The following PAK5 variants were observed in gnomAD, a reference collection of about 807,000 sequenced individuals.
PAK5 encodes serine/threonine-protein kinase PAK 5.
A neutral mutation model predicts 65.9 loss-of-function variants in PAK5; 16 were observed. The ratio of observed to expected loss-of-function variants is 0.24; its 90% CI spans 0.16 to 0.37. PAK5 has a LOEUF of 0.37. Ranked by LOEUF, PAK5 falls within the 10% of genes least tolerant of loss-of-function variation. The pLI is 1.00. For synonymous variants in PAK5, 371 were observed against 354.9 expected (o/e 1.05, Z -0.51); for missense variants, 785 against 903.9 (o/e 0.87, Z 1.69).
chr20:9,572,792 A>G (rs972035498), intron 4 of PAK5, among the ~76,000 whole-genome samples: 1 of 152,228 alleles, frequency 6.6e-6, no homozygotes, highest in Non-Finnish European at 1.5e-5. Context: ...AGAAAAAACA[A>G]CAAAGGCATT....
At chr20:9,708,654 T>C (rs2423428) in intron 2 of PAK5, among the ~76,000 whole-genome samples, 45,606 of 151,884 alleles carry the variant, frequency 0.3, 7,095 homozygotes, top group East Asian at 0.38. Flanking sequence ...AGCAAACATC[T>C]GGGACTCTGC....
At chr20:9,584,667 T>C (rs1053829353) in intron 3 of PAK5, among the ~76,000 whole-genome samples, 1 of 152,240 alleles carries the variant, frequency 6.6e-6, no homozygotes, top group South Asian at 2.1e-4. Context: ...TAGACATCTG[T>C]TCTGCTTCCT....
chr20:9,557,846 A>G, intron 6 of PAK5, 112 bp from the exon 7 acceptor site: 2 of 706,710 alleles, frequency 2.8e-6, no homozygotes, highest in South Asian at 2.7e-5. Context: ...GCTCCAGCCC[A>G]TATCTGAAAA....
At chr20:9,678,510 T>C (rs1235015951) in intron 2 of PAK5, among the ~76,000 whole-genome samples, 1 of 152,136 alleles carries the variant, frequency 6.6e-6, no homozygotes, top group Non-Finnish European at 1.5e-5. Context: ...GAGCTTGCAG[T>C]GAGCTGAGAT....
At chr20:9,790,646 C>T (rs1210553971) in intron 1 of PAK5, among the ~76,000 whole-genome samples, 1 of 152,062 alleles carries the variant, frequency 6.6e-6, no homozygotes, top group African/African-American at 2.4e-5. Flanking sequence ...GCTGGGACTA[C>T]AGGTGTACAA....
chr20:9,754,993 T>C (rs1017009856), intron 1 of PAK5, among the ~76,000 whole-genome samples: 4 of 152,234 alleles, frequency 2.6e-5, no homozygotes, highest in African/African-American at 9.6e-5. Context: ...ATAAAACATA[T>C]GATTTTAAGG....
chr20:9,720,195 G>A (rs573504161), intron 1 of PAK5, among the ~76,000 whole-genome samples: 128 of 152,202 alleles, frequency 8.4e-4, no homozygotes, highest in African/African-American at 2.9e-3. Flanking sequence ...TTCTTAACTG[G>A]GGGTCGTAAC....
chr20:9,789,956 C>T (rs760306471), intron 1 of PAK5, among the ~76,000 whole-genome samples: 9 of 152,078 alleles, frequency 5.9e-5, no homozygotes, highest in Non-Finnish European at 1.2e-4. Flanking sequence ...AAAGGAGGGG[C>T]CTTTTTACGC....
intron 1 of PAK5, among the ~76,000 whole-genome samples, chr20:9,723,228 G>C (rs2123526766): frequency 6.6e-6 from 1 of 152,278 alleles, no homozygotes; most frequent in Middle Eastern, 3.4e-3. Context: ...GGTGAAGAAT[G>C]GCAGCGGGTT....
chr20:9,569,106 A>C (rs2045732007), intron 4 of PAK5, among the ~76,000 whole-genome samples: 1 of 152,218 alleles, frequency 6.6e-6, no homozygotes, highest in African/African-American at 2.4e-5. Context: ...GAAATAGTAA[A>C]TGTTTGTTAT....
At chr20:9,619,562 G>A (rs987827825) in intron 3 of PAK5, among the ~76,000 whole-genome samples, 2 of 152,122 alleles carry the variant, frequency 1.3e-5, no homozygotes, top group African/African-American at 2.4e-5. Context: ...TAAGGGTGCC[G>A]TTGGATAAAT....
chr20:9,828,139 T>G (rs1363263936), intron 1 of PAK5, among the ~76,000 whole-genome samples: 4 of 152,150 alleles, frequency 2.6e-5, no homozygotes, highest in Non-Finnish European at 4.4e-5. Flanking sequence ...CCAGCCAAGT[T>G]GCAATTTAGA....
chr20:9,713,361 T>TA (rs748888379), intron 1 of PAK5, among the ~76,000 whole-genome samples: 226 of 151,346 alleles, frequency 1.5e-3, no homozygotes, highest in Non-Finnish European at 2.5e-3. Context: ...GAAAAAAAAA[T>TA]AACAAATGCT....
chr20:9,633,232 C>T (rs2046944368), intron 3 of PAK5, among the ~76,000 whole-genome samples: 1 of 152,160 alleles, frequency 6.6e-6, no homozygotes, highest in Non-Finnish European at 1.5e-5. Flanking sequence ...TAGAAGTCTG[C>T]TCACATCACC....
intron 2 of PAK5, among the ~76,000 whole-genome samples, chr20:9,658,728 CT>C (rs1569024798): frequency 1.3e-5 from 2 of 152,164 alleles, no homozygotes; most frequent in Non-Finnish European, 2.9e-5. Context: ...TGTCTGTCAA[CT>C]TTTATGGTGC....
At chr20:9,690,117 T>C (rs1051753404) in intron 2 of PAK5, among the ~76,000 whole-genome samples, 2 of 152,170 alleles carry the variant, frequency 1.3e-5, no homozygotes, top group African/African-American at 4.8e-5. Context: ...GGTCAGCTGA[T>C]AGAAAAACTG....
At chr20:9,774,576 T>C (rs2048867277) in intron 1 of PAK5, among the ~76,000 whole-genome samples, 1 of 152,174 alleles carries the variant, frequency 6.6e-6, no homozygotes, top group African/African-American at 2.4e-5. Context: ...TTATTCATGA[T>C]AGCTAAAAAT....
chr20:9,608,852 C>T (rs1049760221), intron 3 of PAK5, among the ~76,000 whole-genome samples: 2 of 152,208 alleles, frequency 1.3e-5, no homozygotes, highest in South Asian at 4.1e-4. Context: ...ATAAATTAAA[C>T]TGTCCAGCTG....
intron 1 of PAK5, among the ~76,000 whole-genome samples, chr20:9,803,177 G>A (rs896433294): frequency 5.9e-5 from 9 of 151,704 alleles, no homozygotes; most frequent in Non-Finnish European, 1.3e-4. Flanking sequence ...CTCAGAACAC[G>A]GCTAGTGTTA....
Sources: gnomAD v4.1 joint callset for allele counts (sites outside exome capture counted in the v4.1 genomes callset) on GRCh38, gnomAD v4.1.1 for gene constraint, MANE v1.5 for transcripts, NCBI Gene and HGNC (gene_info 2026-07-23, HGNC 2026-07-21) for gene names.